The following PRKG1 variants were observed in gnomAD, a reference collection of about 807,000 sequenced individuals.
The protein encoded by PRKG1 is protein kinase cGMP-dependent 1.
A neutral mutation model predicts 88.1 loss-of-function variants in PRKG1; 35 were observed. The observed-to-expected ratio is 0.40, with a 90% confidence interval of 0.30 to 0.53. PRKG1 has a LOEUF of 0.53. PRKG1 is among the 20% of genes least tolerant of loss of function. The probability of loss-of-function intolerance (pLI) is 0.59; values close to 1 mark genes in which losing one functional copy is unlikely to be tolerated. For missense variants in PRKG1, 540 were observed against 839.8 expected, an observed-to-expected ratio of 0.64 and a Z score of 4.41; for synonymous variants, 303 against 292.5, an observed-to-expected ratio of 1.04 and a Z score of -0.37.
At chr10:51,534,444 G>A (rs577797407) in intron 3 of PRKG1, among the ~76,000 whole-genome samples, 13 of 152,098 alleles carry the variant, frequency 8.5e-5, no homozygotes, top group Admixed American at 3.9e-4. Flanking sequence ...TGAGGCAGGC[G>A]GATCATGAGG....
chr10:51,863,830 C>A (rs1409243793), intron 4 of PRKG1, among the ~76,000 whole-genome samples: 3 of 152,194 alleles, frequency 2.0e-5, no homozygotes, highest in Non-Finnish European at 4.4e-5. Flanking sequence ...AAGATGGTCT[C>A]TTTATATTTC....
intron 3 of PRKG1, among the ~76,000 whole-genome samples, chr10:51,573,255 A>AAAC (rs1837803115): frequency 6.6e-6 from 1 of 151,878 alleles, no homozygotes; most frequent in South Asian, 2.1e-4. Flanking sequence ...CTGCAAATAC[A>AAAC]AACACTTCCT....
chr10:51,921,615 A>G (rs1842465196), intron 5 of PRKG1, among the ~76,000 whole-genome samples: 1 of 152,078 alleles, frequency 6.6e-6, no homozygotes, highest in Non-Finnish European at 1.5e-5. Context: ...AAGAGTGTTT[A>G]TCATAAATGG....
chr10:52,090,024 A>G (rs1450417164), intron 7 of PRKG1, among the ~76,000 whole-genome samples: 1 of 151,956 alleles, frequency 6.6e-6, no homozygotes, highest in African/African-American at 2.4e-5. Flanking sequence ...CTTGTTGGCC[A>G]GGATGGTCTC....
chr10:51,738,964 T>A (rs1056761355), intron 3 of PRKG1, among the ~76,000 whole-genome samples: 1 of 152,182 alleles, frequency 6.6e-6, no homozygotes. Flanking sequence ...GCTGGCTTCC[T>A]AGATGTGCAT....
intron 3 of PRKG1, among the ~76,000 whole-genome samples, chr10:51,656,611 C>T (rs1840166869): frequency 6.6e-6 from 1 of 152,068 alleles, no homozygotes. Flanking sequence ...ATAATGGCCT[C>T]CTAACTCATG....
At chr10:51,738,735 T>G (rs1837356268) in intron 3 of PRKG1, among the ~76,000 whole-genome samples, 1 of 152,196 alleles carries the variant, frequency 6.6e-6, no homozygotes, top group South Asian at 2.1e-4. Context: ...TTTATTGGAC[T>G]GAGAAATGAA....
intron 5 of PRKG1, among the ~76,000 whole-genome samples, chr10:51,945,882 C>A (rs1445780194): frequency 6.5e-4 from 98 of 151,544 alleles, no homozygotes; most frequent in Non-Finnish European, 1.1e-3. Context: ...TCTGGCTGCC[C>A]TTAACATTTT....
At chr10:51,781,798 C>T (rs908487307) in intron 3 of PRKG1, among the ~76,000 whole-genome samples, 20 of 152,100 alleles carry the variant, frequency 1.3e-4, no homozygotes, top group African/African-American at 4.8e-4. Flanking sequence ...AGTTAGAAGT[C>T]CCTGTAATTC....
chr10:51,995,568 G>A (rs554186693), intron 5 of PRKG1, among the ~76,000 whole-genome samples: 24 of 152,190 alleles, frequency 1.6e-4, no homozygotes, highest in African/African-American at 5.8e-4. Context: ...GTGTGTGTGT[G>A]TATGCCTGTC....
intron 1 of PRKG1, among the ~76,000 whole-genome samples, chr10:51,030,214 A>G (rs1843265870): frequency 6.6e-6 from 1 of 151,996 alleles, no homozygotes; most frequent in Admixed American, 6.6e-5. Flanking sequence ...TTTTTTTCAT[A>G]ATAAGCCTTT....
chr10:52,208,585 T>C (rs922166131), intron 9 of PRKG1, among the ~76,000 whole-genome samples: 1 of 152,066 alleles, frequency 6.6e-6, no homozygotes, highest in African/African-American at 2.4e-5. Flanking sequence ...TCACAACCAC[T>C]CAGAGCTAAC....
At chr10:51,254,372 T>C (rs1465629223) in intron 2 of PRKG1, among the ~76,000 whole-genome samples, 1 of 152,002 alleles carries the variant, frequency 6.6e-6, no homozygotes, top group African/African-American at 2.4e-5. Flanking sequence ...ATTTTTTGCA[T>C]TAGTCATAAG....
chr10:51,129,476 GA>G (rs1412842941), intron 1 of PRKG1, among the ~76,000 whole-genome samples: 2 of 151,302 alleles, frequency 1.3e-5, no homozygotes, highest in East Asian at 3.9e-4. Flanking sequence ...AAAAAAAAAA[GA>G]AAAAGAAAAC....
At chr10:51,859,878 T>A (rs897967927) in intron 4 of PRKG1, among the ~76,000 whole-genome samples, 1 of 152,228 alleles carries the variant, frequency 6.6e-6, no homozygotes, top group Non-Finnish European at 1.5e-5. Flanking sequence ...TTATTTCTCC[T>A]ACCACGTTTT....
At chr10:51,801,342 G>A (rs557390386) in intron 3 of PRKG1, among the ~76,000 whole-genome samples, 7 of 152,144 alleles carry the variant, frequency 4.6e-5, no homozygotes, top group Middle Eastern at 3.4e-3. Context: ...CATGTGTCAC[G>A]AAATATGCTT....
intron 9 of PRKG1, among the ~76,000 whole-genome samples, chr10:52,177,571 A>T (rs1838899076): frequency 6.6e-6 from 1 of 152,118 alleles, no homozygotes; most frequent in Non-Finnish European, 1.5e-5. Context: ...TTTTGAGAAT[A>T]ATTGATAATA....
chr10:51,567,082 A>G (rs1589088407), intron 3 of PRKG1, among the ~76,000 whole-genome samples: 2 of 152,114 alleles, frequency 1.3e-5, no homozygotes, highest in South Asian at 4.1e-4. Context: ...TATAAATGAT[A>G]CCACAATAAA....
chr10:51,207,163 T>G (rs759583263), intron 2 of PRKG1, among the ~76,000 whole-genome samples: 7 of 152,202 alleles, frequency 4.6e-5, no homozygotes, highest in Non-Finnish European at 7.3e-5. Flanking sequence ...GCATGATAAC[T>G]GGAAGAAGGG....
Sources: gnomAD v4.1 joint callset for allele counts (sites outside exome capture counted in the v4.1 genomes callset) on GRCh38, gnomAD v4.1.1 for gene constraint, MANE v1.5 for transcripts, NCBI Gene and HGNC (gene_info 2026-07-23, HGNC 2026-07-21) for gene names.